The following ARB2A variants were observed in gnomAD, a reference collection of about 807,000 sequenced individuals.
ARB2A encodes the protein ARB2 cotranscriptional regulator A.
the ARB2A span, among the ~76,000 whole-genome samples, chr5:93,953,262 G>A: frequency 6.6e-5 from 10 of 152,112 alleles, no homozygotes; most frequent in African/African-American, 2.4e-4. Context: ...TGCAGTCTTT[G>A]CAATCTGGGC....
chr5:94,049,092 A>G, the ARB2A span, among the ~76,000 whole-genome samples: 1 of 152,228 alleles, frequency 6.6e-6, no homozygotes, highest in Non-Finnish European at 1.5e-5. Context: ...AAAGTAATGT[A>G]GCTATCTAGT....
At chr5:93,793,837 T>C in the ARB2A span, among the ~76,000 whole-genome samples, 1 of 152,130 alleles carries the variant, frequency 6.6e-6, no homozygotes, top group African/African-American at 2.4e-5. Context: ...GCAGGTCCCA[T>C]TACAGACTTG....
chr5:93,747,478 G>C, the ARB2A span, among the ~76,000 whole-genome samples: 1 of 151,986 alleles, frequency 6.6e-6, no homozygotes, highest in East Asian at 1.9e-4. Flanking sequence ...GGTAGTACCA[G>C]ACAAAAAATT....
the ARB2A span, among the ~76,000 whole-genome samples, chr5:93,914,171 G>T: frequency 6.6e-6 from 1 of 151,894 alleles, no homozygotes; most frequent in South Asian, 2.1e-4. Flanking sequence ...AATGATCAAG[G>T]AGGGTTTGGG....
chr5:93,965,372 C>T, the ARB2A span, among the ~76,000 whole-genome samples: 1 of 151,906 alleles, frequency 6.6e-6, no homozygotes, highest in Admixed American at 6.6e-5. Context: ...AGCCAGCAAC[C>T]CTTATAAGCA....
the ARB2A span, among the ~76,000 whole-genome samples, chr5:93,680,252 T>G: frequency 6.6e-6 from 1 of 152,116 alleles, no homozygotes; most frequent in African/African-American, 2.4e-5. Context: ...AAAACTCTTG[T>G]GTATTTAAAG....
the ARB2A span, among the ~76,000 whole-genome samples, chr5:93,942,076 C>G: frequency 6.6e-6 from 1 of 152,122 alleles, no homozygotes; most frequent in South Asian, 2.1e-4. Context: ...CCCGCTCTAC[C>G]CCATTCAGTC....
the ARB2A span, among the ~76,000 whole-genome samples, chr5:93,663,264 G>A: frequency 1.3e-5 from 2 of 152,052 alleles, no homozygotes; most frequent in African/African-American, 2.4e-5. Flanking sequence ...AAAACAATTC[G>A]CTTACCTGTG....
At chr5:93,754,695 C>T in the ARB2A span, among the ~76,000 whole-genome samples, 5 of 152,324 alleles carry the variant, frequency 3.3e-5, no homozygotes, top group East Asian at 3.9e-4. Flanking sequence ...CCCTCATACA[C>T]AGTCAAAAAT....
chr5:94,010,271 T>A, the ARB2A span, among the ~76,000 whole-genome samples: 3 of 152,158 alleles, frequency 2.0e-5, no homozygotes, highest in Non-Finnish European at 2.9e-5. Flanking sequence ...TTTTAAGTAT[T>A]TTCTAATTTT....
the ARB2A span, among the ~76,000 whole-genome samples, chr5:94,025,070 T>C: frequency 3.9e-5 from 6 of 152,226 alleles, no homozygotes; most frequent in African/African-American, 1.4e-4. Context: ...GATGCAACTT[T>C]AAAACATACT....
At chr5:93,824,741 C>T in the ARB2A span, among the ~76,000 whole-genome samples, 1 of 152,198 alleles carries the variant, frequency 6.6e-6, no homozygotes, top group Non-Finnish European at 1.5e-5. Context: ...AGAGAAACTC[C>T]TGCAAAATTA....
chr5:93,869,265 G>A, the ARB2A span, among the ~76,000 whole-genome samples: 6 of 152,194 alleles, frequency 3.9e-5, no homozygotes, highest in Non-Finnish European at 1.5e-5. Flanking sequence ...TTCCCAAGAA[G>A]TGGGTGAAGG....
the ARB2A span, among the ~76,000 whole-genome samples, chr5:93,631,426 C>T: frequency 1.3e-5 from 2 of 152,204 alleles, no homozygotes; most frequent in Admixed American, 6.5e-5. Context: ...CAGGGTTACA[C>T]TGTTTCCCAT....
At chr5:93,873,615 T>G in the ARB2A span, among the ~76,000 whole-genome samples, 1 of 152,214 alleles carries the variant, frequency 6.6e-6, no homozygotes, top group Non-Finnish European at 1.5e-5. Context: ...GTTTCCCTTT[T>G]AAATGAAAAC....
At chr5:94,101,066 G>A in the ARB2A span, among the ~76,000 whole-genome samples, 1 of 151,902 alleles carries the variant, frequency 6.6e-6, no homozygotes, top group Non-Finnish European at 1.5e-5. Flanking sequence ...GGAGATTCAG[G>A]AGAAAGTCCA....
the ARB2A span, chr5:93,683,221 ATCG>A: frequency 9.5e-6 from 13 of 1,371,610 alleles, no homozygotes; most frequent in East Asian, 1.1e-4. Flanking sequence ...CTTCATCATC[ATCG>A]TCATCATCTT....
chr5:93,853,388 T>C, the ARB2A span, among the ~76,000 whole-genome samples: 1 of 152,218 alleles, frequency 6.6e-6, no homozygotes, highest in African/African-American at 2.4e-5. Context: ...AGATATACAA[T>C]CATGTCATCT....
the ARB2A span, among the ~76,000 whole-genome samples, chr5:93,637,354 G>GTTTTTTTT: frequency 2.2e-4 from 25 of 116,086 alleles, no homozygotes; most frequent in East Asian, 5.5e-4. Context: ...GGGTTGTTTA[G>GTTTTTTTT]TTTTTTTTTT....
Sources: allele counts gnomAD v4.1 joint callset (sites outside exome capture counted in the v4.1 genomes callset), GRCh38; gene constraint gnomAD v4.1.1; transcripts MANE v1.5; gene names NCBI Gene and HGNC (gene_info 2026-07-23, HGNC 2026-07-21).